The following DYNC1I1 variants were observed in gnomAD, a reference collection of about 807,000 sequenced individuals.
DYNC1I1 encodes dynein cytoplasmic 1 intermediate chain 1.
DYNC1I1 carries 43 observed loss-of-function variants against 86.6 expected under a neutral mutation model. That is an observed-to-expected ratio of 0.50 (90% confidence interval 0.39 to 0.64). The LOEUF (loss-of-function observed/expected upper bound fraction) is 0.64, where lower values mean the gene tolerates loss of function less well. Among genes scored for constraint, DYNC1I1 ranks in the 30% least tolerant of loss-of-function variants. DYNC1I1 has a pLI of 0.00. For synonymous variants in DYNC1I1, 262 were observed against 283.7 expected (o/e 0.92, Z 0.77); for missense variants, 604 against 788.8 (o/e 0.77, Z 2.81).
intron 16 of DYNC1I1, among the ~76,000 whole-genome samples, chr7:96,106,616 A>G (rs1301024530): frequency 6.6e-6 from 1 of 151,768 alleles, no homozygotes; most frequent in Non-Finnish European, 1.5e-5. Context: ...AATAGACTTT[A>G]TTATTATTCT....
chr7:95,839,051 G>C (rs1789199498), intron 5 of DYNC1I1, among the ~76,000 whole-genome samples: 1 of 151,822 alleles, frequency 6.6e-6, no homozygotes, highest in Non-Finnish European at 1.5e-5. Flanking sequence ...TATTTTTTGA[G>C]ACAGAGTCTT....
intron 8 of DYNC1I1, among the ~76,000 whole-genome samples, chr7:95,985,301 T>C (rs1793562809): frequency 6.6e-6 from 1 of 152,168 alleles, no homozygotes; most frequent in Admixed American, 6.6e-5. Context: ...ATGTTGTATC[T>C]ACTAGATTTA....
chr7:96,027,825 T>G lies in DYNC1I1; in HGVS notation c.970-350T>G, dbSNP rs141711952. ...AAAGGCTTTAGTGGAGAATTAATATTAGTTCTGTTGCAATTCTATGTGACA... is the reference window on the plus strand; with the variant it reads ...AAAGGCTTTAGTGGAGAATTAATATGAGTTCTGTTGCAATTCTATGTGACA... On this transcript the variant is annotated intron_variant, in intron 10 of 16. Coordinates refer to ENST00000447467, the MANE Select transcript of DYNC1I1 (RefSeq NM_001135556.2). Among the ~76,000 whole-genome samples the G allele has an allele frequency of 4.5e-3, 682 of 152,302 alleles. 8 individuals are homozygous for G. Among genetic ancestry groups the G allele is most frequent in the African/African-American group, 0.016 (645 of 41,572 alleles).
At chr7:95,901,224 C>T (rs1791029368) in intron 6 of DYNC1I1, among the ~76,000 whole-genome samples, 1 of 152,150 alleles carries the variant, frequency 6.6e-6, no homozygotes, top group African/African-American at 2.4e-5. Flanking sequence ...TGACTAGTGC[C>T]CAGTTAGGTT....
At chr7:95,813,085 T>C in intron 3 of DYNC1I1, 162 bp from the exon 4 acceptor site, 2 of 1,423,144 alleles carry the variant, frequency 1.4e-6, no homozygotes, top group Non-Finnish European at 1.9e-6. Context: ...CTTTTTTCCT[T>C]TTCTTTCCTT....
chr7:96,004,324 T>C (rs182995887), intron 10 of DYNC1I1, among the ~76,000 whole-genome samples: 1 of 152,310 alleles, frequency 6.6e-6, no homozygotes, highest in East Asian at 1.9e-4. Context: ...TGAAAATATA[T>C]TGAGTTTATG....
At chr7:95,955,279 A>T (rs921056960) in intron 6 of DYNC1I1, among the ~76,000 whole-genome samples, 3 of 152,126 alleles carry the variant, frequency 2.0e-5, no homozygotes, top group African/African-American at 7.2e-5. Flanking sequence ...TTAAAAAATA[A>T]TTTTTAAAAC....
At chr7:95,864,864 C>T (rs763593082) in intron 5 of DYNC1I1, among the ~76,000 whole-genome samples, 1 of 151,898 alleles carries the variant, frequency 6.6e-6, no homozygotes, top group Non-Finnish European at 1.5e-5. Context: ...TGGGGAAGCT[C>T]AAACAGGTCT....
chr7:95,813,509 C>G (rs554003135), intron 4 of DYNC1I1, among the ~76,000 whole-genome samples, 172 bp downstream of exon 4: 1 of 152,066 alleles, frequency 6.6e-6, no homozygotes, highest in Admixed American at 6.6e-5. Flanking sequence ...TAGCAATGAT[C>G]TTGAACACTA....
chr7:95,872,855 C>G (rs1790209479), intron 6 of DYNC1I1, among the ~76,000 whole-genome samples: 1 of 152,138 alleles, frequency 6.6e-6, no homozygotes, highest in Non-Finnish European at 1.5e-5. Context: ...TCTCTGTTGC[C>G]TATTATGAAC....
At chr7:96,105,325 CT>C (rs975644071) in intron 16 of DYNC1I1, among the ~76,000 whole-genome samples, 2 of 148,792 alleles carry the variant, frequency 1.3e-5, no homozygotes, top group African/African-American at 2.5e-5. Flanking sequence ...TTTCTTTTTT[CT>C]TTTTTTTTGC....
chr7:95,899,985 G>A (rs1050571852), intron 6 of DYNC1I1, among the ~76,000 whole-genome samples: 2 of 152,070 alleles, frequency 1.3e-5, no homozygotes, highest in South Asian at 2.1e-4. Context: ...GTAGGTGCTC[G>A]CCTGTATTTT....
At chr7:95,878,097 G>C (rs960135928) in intron 6 of DYNC1I1, among the ~76,000 whole-genome samples, 2 of 152,058 alleles carry the variant, frequency 1.3e-5, no homozygotes, top group African/African-American at 2.4e-5. Flanking sequence ...CTGGGGGTTG[G>C]GGGGACTGGT....
chr7:96,054,127 C>T (rs1042161125), intron 14 of DYNC1I1, among the ~76,000 whole-genome samples: 1 of 152,110 alleles, frequency 6.6e-6, no homozygotes, highest in Non-Finnish European at 1.5e-5. Flanking sequence ...CTAATGCTAT[C>T]CCTCCCCTAG....
downstream of DYNC1I1, among the ~76,000 whole-genome samples, chr7:96,101,575 C>G (rs1791137266): frequency 1.3e-5 from 2 of 152,176 alleles, no homozygotes; most frequent in South Asian, 4.1e-4. Flanking sequence ...TATCTGGGTT[C>G]ACACTGAAAT....
intron 11 of DYNC1I1, among the ~76,000 whole-genome samples, 167 bp downstream of exon 11, chr7:96,028,488 A>T (rs996505540): frequency 3.3e-5 from 5 of 152,192 alleles, no homozygotes; most frequent in Non-Finnish European, 7.3e-5. Flanking sequence ...AGATGAAGGA[A>T]GCACTGGCTT....
In DYNC1I1 at chr7:96,039,317, C is replaced by T; in HGVS notation, c.1405C>T (p.Pro469Ser). 6.2e-7 allele frequency: 1 copy of T among 1,614,052 alleles called. No individual in the cohort carries two copies. Among genetic ancestry groups the T allele is most frequent in the Non-Finnish European group, 8.5e-7 (1 of 1,179,960 alleles). Residue 469 changes from proline to serine, a missense_variant, in exon 14 of 17, where the codon CCA becomes TCA. Pro to Ser is a moderately conservative substitution (Grantham distance 74). Transcript: ENST00000447467. Reference protein sequence around the residue: ...IGEVFEGHQGPVTGINCHMAV... With the variant: ...IGEVFEGHQGSVTGINCHMAV... ...TGAGGTCTTTGAAGGTCACCAAGGG[C>T]CAGTGACAGGAATTAACTGCCACAT...
intron 12 of DYNC1I1, 28 bp downstream of exon 12, chr7:96,032,808 A>G (rs1794844206): frequency 1.3e-6 from 2 of 1,565,454 alleles, no homozygotes; most frequent in African/African-American, 2.7e-5. Context: ...TACACATAAC[A>G]CCATCCTGGT....
intron 6 of DYNC1I1, among the ~76,000 whole-genome samples, chr7:95,913,125 C>A (rs147705216): frequency 1.3e-5 from 2 of 152,120 alleles, no homozygotes; most frequent in Non-Finnish European, 2.9e-5. Context: ...ATTACTTGCA[C>A]CTCTGGTTAG....
Sources: allele counts gnomAD v4.1 joint callset (sites outside exome capture counted in the v4.1 genomes callset), GRCh38; gene constraint gnomAD v4.1.1; transcripts MANE v1.5; gene names NCBI Gene and HGNC (gene_info 2026-07-23, HGNC 2026-07-21).